PCDH15: variants seen among roughly 807,000 people sequenced by gnomAD.
The protein encoded by PCDH15 is protocadherin-15.
Under a neutral mutation model 178.5 loss-of-function variants are expected in PCDH15, and 129 were observed. That is an observed-to-expected ratio of 0.72 (90% CI 0.63 to 0.84). PCDH15 has a LOEUF of 0.84. Ranked by LOEUF, PCDH15 falls within the 40% of genes least tolerant of loss-of-function variation. The probability of loss-of-function intolerance (pLI) is 0.00; values close to 1 mark genes in which losing one functional copy is unlikely to be tolerated. For synonymous variants in PCDH15, 800 were observed against 732.0 expected (o/e 1.09, Z -1.50); for missense variants, 2,230 against 2,099.9 (o/e 1.06, Z -1.21).
intron 1 of PCDH15, among the ~76,000 whole-genome samples, chr10:55,186,066 C>G (rs1839792625): frequency 6.6e-6 from 1 of 151,564 alleles, no homozygotes; most frequent in African/African-American, 2.4e-5. Context: ...AGGATGTCAA[C>G]AATTTCATTT....
rs369083479 is a variant in PCDH15, at chr10:54,438,347, C to T, written c.158-59405G>A. Among the ~76,000 whole-genome samples the T allele has an allele frequency of 4.2e-4, 58 of 136,862 alleles. 1 individual carries two copies. Among genetic ancestry groups the T allele is most frequent in the African/African-American group, 1.4e-3 (50 of 36,454 alleles). The allele number at this position is 136,862 out of a possible 152,430, so 89.8% of individuals were successfully genotyped here. A position where few individuals can be genotyped will look rare whatever the true frequency, so the allele number is the denominator to read the frequency against. ...GCAGGCACCCAAATGCTTCTTCTGT[C>T]GGGGAGTGAATTTGTAAGTTCTTTG... On this transcript the variant is annotated intron_variant, in intron 3 of 37. Transcript: ENST00000644397.
Position 53,806,963 on chromosome 10 carries a change from T to C in PCDH15, c.4839A>G (p.Arg1613=). The part of the protein sequence containing the change: ...IYIAQNGSVV[R]TRRACLTDNL... ...TGTCCGTGAGGCAGGCACGGCGGGT[T>C]CTCACCACAGAACCATTCTGTGCAA... is the stretch of plus-strand genomic sequence containing the variant. Residue 1613 remains arginine, a synonymous_variant, in exon 38 of 38, where the codon AGA becomes AGG. Coordinates refer to ENST00000644397, the MANE Select transcript of PCDH15 (RefSeq NM_001384140.1). 6.2e-7 allele frequency: 1 copy of C among 1,613,796 alleles called. No individual in the cohort carries two copies. The highest frequency in any genetic ancestry group is 8.5e-7 in the Non-Finnish European group (1 of 1,179,814).
chr10:54,531,569 A>G (rs1260396220), intron 2 of PCDH15, among the ~76,000 whole-genome samples: 1 of 152,158 alleles, frequency 6.6e-6, no homozygotes, highest in Non-Finnish European at 1.5e-5. Flanking sequence ...GAATATGCTC[A>G]TTTCGTAGAA....
At chr10:55,560,901 G>C (rs548561477) in intron 2 of PCDH15, among the ~76,000 whole-genome samples, 1 of 151,820 alleles carries the variant, frequency 6.6e-6, no homozygotes, top group South Asian at 2.1e-4. Context: ...AAAATAAAGA[G>C]TAACTTTTGT....
chr10:53,886,537 A>G (rs16937813), intron 26 of PCDH15, among the ~76,000 whole-genome samples: 2,881 of 150,604 alleles, frequency 0.019, 100 homozygotes, highest in East Asian at 0.13. Flanking sequence ...AATTCCTATC[A>G]TGACTTCATG....
intron 1 of PCDH15, among the ~76,000 whole-genome samples, chr10:54,671,480 C>A (rs1438545371): frequency 3.3e-5 from 5 of 152,114 alleles, no homozygotes; most frequent in African/African-American, 1.2e-4. Context: ...GAGAGTCTTG[C>A]ATTGCATTCC....
At chr10:55,423,129 CA>C (rs1232426767) in intron 2 of PCDH15, among the ~76,000 whole-genome samples, 2 of 151,746 alleles carry the variant, frequency 1.3e-5, no homozygotes, top group East Asian at 3.9e-4. Flanking sequence ...TAAAGGGTCA[CA>C]GTAAAAATTA....
At chr10:55,337,000 A>C (rs369674084) in intron 2 of PCDH15, among the ~76,000 whole-genome samples, 2 of 151,874 alleles carry the variant, frequency 1.3e-5, no homozygotes, top group Non-Finnish European at 2.9e-5. Flanking sequence ...CCTGACCCCA[A>C]CTCCCTCAAT....
chr10:53,808,254 TAA>T, intron 37 of PCDH15: 3 of 261,654 alleles, frequency 1.1e-5, no homozygotes, highest in Non-Finnish European at 1.8e-5. Context: ...AGACGACTGT[TAA>T]AGATATAATT....
chr10:54,921,373 G>C (rs1050981003), intron 2 of PCDH15, among the ~76,000 whole-genome samples: 1 of 151,668 alleles, frequency 6.6e-6, no homozygotes. Flanking sequence ...GTGAAGGTTT[G>C]TTGTATAGAT....
chr10:54,220,498 G>C (rs1007448674), intron 9 of PCDH15, among the ~76,000 whole-genome samples: 2 of 152,102 alleles, frequency 1.3e-5, no homozygotes, highest in Admixed American at 6.6e-5. Flanking sequence ...TCTGTTTCTG[G>C]AAGGTTGGTT....
chr10:54,796,226 CTATCTAT>C (rs1951946531), intron 1 of PCDH15, among the ~76,000 whole-genome samples: 1 of 50,936 alleles, frequency 2.0e-5, no homozygotes, highest in Non-Finnish European at 3.8e-5. Context: ...TCTACATTAT[CTATCTAT>C]CTATCTATCT....
intron 1 of PCDH15, among the ~76,000 whole-genome samples, chr10:54,750,936 G>T (rs908149079): frequency 2.0e-5 from 3 of 151,966 alleles, no homozygotes; most frequent in African/African-American, 7.2e-5. Flanking sequence ...GTTTGTAGTT[G>T]CCAAGAAGTA....
intron 8 of PCDH15, among the ~76,000 whole-genome samples, chr10:54,238,897 G>A (rs1364320487): frequency 1.3e-5 from 2 of 152,046 alleles, no homozygotes; most frequent in East Asian, 1.9e-4. Flanking sequence ...TACTTAAGCT[G>A]TATCACTCCT....
intron 1 of PCDH15, among the ~76,000 whole-genome samples, chr10:55,312,445 C>T (rs1041657480): frequency 9.2e-5 from 14 of 152,030 alleles, no homozygotes; most frequent in Admixed American, 3.3e-4. Flanking sequence ...GACAATTTCT[C>T]ATGGAGTAGA....
intron 3 of PCDH15, among the ~76,000 whole-genome samples, chr10:54,508,927 G>T (rs1276909304): frequency 6.6e-6 from 1 of 152,062 alleles, no homozygotes; most frequent in Non-Finnish European, 1.5e-5. Flanking sequence ...ATGTCAAAAT[G>T]CAAAAGTCAT....
chr10:55,542,298 C>T (rs986019551), intron 2 of PCDH15, among the ~76,000 whole-genome samples: 1 of 150,266 alleles, frequency 6.7e-6, no homozygotes, highest in Non-Finnish European at 1.5e-5. Context: ...GACATATGTA[C>T]AATATGTCCA....
At chr10:55,072,447 C>T (rs1841773616) in intron 2 of PCDH15, among the ~76,000 whole-genome samples, 1 of 152,080 alleles carries the variant, frequency 6.6e-6, no homozygotes, top group Non-Finnish European at 1.5e-5. Flanking sequence ...ATACAAACTA[C>T]CATCAGAGAA....
chr10:54,982,617 G>C (rs1839266472), intron 2 of PCDH15, among the ~76,000 whole-genome samples: 1 of 152,038 alleles, frequency 6.6e-6, no homozygotes, highest in Admixed American at 6.6e-5. Flanking sequence ...GATGCTAAAG[G>C]ATAATGATAA....
Sources: gnomAD v4.1 joint callset for allele counts (sites outside exome capture counted in the v4.1 genomes callset) on GRCh38, gnomAD v4.1.1 for gene constraint, MANE v1.5 for transcripts, NCBI Gene and HGNC (gene_info 2026-07-23, HGNC 2026-07-21) for gene names.